TLCD4: variants seen among roughly 807,000 people sequenced by gnomAD.
The protein encoded by TLCD4 is TLC domain containing 4.
TLCD4 carries 7 observed loss-of-function variants against 24.2 expected under a neutral mutation model. The observed-to-expected ratio is 0.29, with a 90% confidence interval of 0.16 to 0.54. The LOEUF is 0.54. Ranked by LOEUF, TLCD4 falls within the 20% of genes least tolerant of loss-of-function variation. The pLI is 0.95. For missense variants in TLCD4, 259 were observed against 313.9 expected, an observed-to-expected ratio of 0.82 and a Z score of 1.32; for synonymous variants, 103 against 106.4, an observed-to-expected ratio of 0.97 and a Z score of 0.20.
At chr1:95,127,347 TC>T (rs1303761098) in intron 1 of TLCD4, among the ~76,000 whole-genome samples, 1 of 152,176 alleles carries the variant, frequency 6.6e-6, no homozygotes, top group African/African-American at 2.4e-5. Flanking sequence ...ACTTCCCTTA[TC>T]CTAAGGACTT....
Position 95,192,141 on chromosome 1 carries a change from C to CA in TLCD4, c.*281dup, listed in dbSNP as rs1475509100. On this transcript the variant is annotated 3_prime_UTR_variant, in exon 7 of 7. Coordinates refer to ENST00000370203, the MANE Select transcript of TLCD4 (RefSeq NM_152487.3). Reference sequence around the variant, plus strand: ...TGAAACCTCATCTCTACTAAAAATACAAAAAAAAGTAGCTGGGCGTGGTGG... The same window carrying CA: ...TGAAACCTCATCTCTACTAAAAATACAAAAAAAAAGTAGCTGGGCGTGGTGG... 5.2e-5 allele frequency: 23 copies of CA among 439,148 alleles called. No individual in the cohort carries two copies. Among genetic ancestry groups the CA allele is most frequent in the East Asian group, 7.5e-5 (1 of 13,382 alleles). 27.2% of individuals were successfully genotyped at this position (439,148 alleles called of 1,614,324 possible). A position where few individuals can be genotyped will look rare whatever the true frequency, so the allele number is the denominator to read the frequency against.
At chr1:95,158,975 C>T (rs895846384) in intron 5 of TLCD4, among the ~76,000 whole-genome samples, 4 of 152,128 alleles carry the variant, frequency 2.6e-5, no homozygotes, top group South Asian at 2.1e-4. Context: ...CATACGTGTG[C>T]GTGTGTCTTT....
chr1:95,093,290 C>T, the TLCD4 span, among the ~76,000 whole-genome samples: 90 of 152,234 alleles, frequency 5.9e-4, no homozygotes, highest in Middle Eastern at 3.4e-3. Flanking sequence ...AGAAAACAAA[C>T]GAACAAGCAA....
chr1:95,149,237 C>G (rs1374365970), intron 3 of TLCD4, among the ~76,000 whole-genome samples: 1 of 152,062 alleles, frequency 6.6e-6, no homozygotes, highest in Admixed American at 6.6e-5. Flanking sequence ...GAATTTAGTA[C>G]CACAGGATTT....
upstream of TLCD4, among the ~76,000 whole-genome samples, chr1:95,112,984 G>A (rs1258249463): frequency 6.6e-6 from 1 of 151,680 alleles, no homozygotes; most frequent in Non-Finnish European, 1.5e-5. Flanking sequence ...CCAAAGTGTT[G>A]GAATTACAGT....
At chr1:95,143,757 T>A (rs1677271671) in intron 1 of TLCD4, 134 bp from the exon 2 acceptor site, 1 of 882,832 alleles carries the variant, frequency 1.1e-6, no homozygotes, top group East Asian at 3.4e-5. Context: ...TCAAAAATTC[T>A]TATAGTTTAT....
At chr1:95,151,746 C>T (rs1677499085) in intron 5 of TLCD4, among the ~76,000 whole-genome samples, 1 of 152,096 alleles carries the variant, frequency 6.6e-6, no homozygotes, top group African/African-American at 2.4e-5. Flanking sequence ...TATGATTTAA[C>T]AGCAAAGAGT....
Position 95,192,816 on chromosome 1 carries a change from ATT to A in TLCD4, c.*951_*952del, listed in dbSNP as rs1189188316. 12 of 152,222 alleles carry A rather than the reference ATT, an allele frequency of 7.9e-5. No homozygotes were observed. The highest frequency in any genetic ancestry group is 3.4e-3 in the Middle Eastern group (1 of 294). The allele number at this position is 152,222 out of a possible 1,614,324, so 9.4% of individuals were successfully genotyped here. A position where few individuals can be genotyped will look rare whatever the true frequency, so the allele number is the denominator to read the frequency against. On this transcript the variant is annotated 3_prime_UTR_variant, in exon 7 of 7. Transcript: ENST00000370203. ...TTTTTCAAATATCACTGTCATTTCTATTTTAGCATTTTATCAAATTATTGCTT... is the reference window on the plus strand; with the variant it reads ...TTTTTCAAATATCACTGTCATTTCTATTAGCATTTTATCAAATTATTGCTT...
the TLCD4 span, among the ~76,000 whole-genome samples, chr1:95,093,756 C>T: frequency 2.6e-5 from 4 of 152,190 alleles, no homozygotes; most frequent in South Asian, 8.3e-4. Context: ...GTTCTAGACA[C>T]ATATATGTTA....
chr1:95,188,479 C>T (rs1678910959), intron 6 of TLCD4, among the ~76,000 whole-genome samples: 1 of 151,196 alleles, frequency 6.6e-6, no homozygotes, highest in Non-Finnish European at 1.5e-5. Flanking sequence ...GGGGTTTATG[C>T]TTTACCTTGT....
At chr1:95,109,305 T>C in the TLCD4 span, among the ~76,000 whole-genome samples, 1 of 152,158 alleles carries the variant, frequency 6.6e-6, no homozygotes, top group African/African-American at 2.4e-5. Context: ...ATTGTGCCAC[T>C]GCCCTCCAGC....
the TLCD4 span, among the ~76,000 whole-genome samples, chr1:95,100,178 A>T: frequency 1.3e-5 from 2 of 152,314 alleles, no homozygotes; most frequent in African/African-American, 2.4e-5. Flanking sequence ...TCTTATTGTC[A>T]CTATTTTACA....
intron 6 of TLCD4, among the ~76,000 whole-genome samples, chr1:95,184,816 A>T (rs1028710338): frequency 6.6e-6 from 1 of 152,182 alleles, no homozygotes; most frequent in African/African-American, 2.4e-5. Flanking sequence ...TTAGGTAAGA[A>T]GAGGTGGATT....
chr1:95,094,721 G>A, the TLCD4 span, among the ~76,000 whole-genome samples: 83,808 of 152,008 alleles, frequency 0.55, 23,794 homozygotes, highest in Non-Finnish European at 0.59. Flanking sequence ...GAACTTCCCA[G>A]CTAAATCCAG....
upstream of TLCD4, among the ~76,000 whole-genome samples, chr1:95,115,016 T>C (rs185667810): frequency 1.1e-3 from 160 of 150,880 alleles, 2 homozygotes; most frequent in Non-Finnish European, 8.8e-5. Context: ...TGAGAAAGTA[T>C]CCTTGGAAAG....
chr1:95,178,095 C>T (rs996019014), intron 6 of TLCD4, among the ~76,000 whole-genome samples: 2 of 151,560 alleles, frequency 1.3e-5, no homozygotes, highest in East Asian at 1.9e-4. Flanking sequence ...GGACTTCAGG[C>T]GCATGCTGCC....
intron 5 of TLCD4, among the ~76,000 whole-genome samples, chr1:95,155,325 C>G (rs948360524): frequency 6.6e-6 from 1 of 151,938 alleles, no homozygotes; most frequent in Admixed American, 6.6e-5. Context: ...GAGGCCATGG[C>G]AAATGTAGAT....
the TLCD4 span, among the ~76,000 whole-genome samples, chr1:95,111,293 T>TAAAAC: frequency 7.6e-5 from 11 of 145,012 alleles, no homozygotes; most frequent in African/African-American, 1.0e-4. Context: ...TTGTGTCTCT[T>TAAAAC]AAAACAAAAC....
rs1466132682 is a variant in TLCD4, at chr1:95,119,062, CCAAT to C, written c.-12+1448_-12+1451del. Among the ~76,000 whole-genome samples the C allele has an allele frequency of 3.9e-5, 6 of 152,252 alleles. No individual in the cohort carries two copies. The East Asian group carries it at 1.2e-3, about 29-fold the overall frequency. ...GGCTGGATGCCTCTGACCCAGCTGC[CCAAT>C]CAGTCATTATTTATTTACAGTATTA... On this transcript the variant is annotated intron_variant, in intron 1 of 6. Coordinates refer to ENST00000370203, the MANE Select transcript of TLCD4 (RefSeq NM_152487.3).
Sources: gnomAD v4.1 joint callset for allele counts (sites outside exome capture counted in the v4.1 genomes callset) on GRCh38, gnomAD v4.1.1 for gene constraint, MANE v1.5 for transcripts, NCBI Gene and HGNC (gene_info 2026-07-23, HGNC 2026-07-21) for gene names.